The following TTC7B variants were observed in gnomAD, a reference collection of about 807,000 sequenced individuals.
The protein encoded by TTC7B is tetratricopeptide repeat domain 7B.
Under a neutral mutation model 106.8 loss-of-function variants are expected in TTC7B, and 28 were observed. The ratio of observed to expected loss-of-function variants is 0.26; its 90% CI spans 0.19 to 0.36. The LOEUF is 0.36. TTC7B is among the 10% of genes least tolerant of loss of function. The pLI, the probability that TTC7B is intolerant of heterozygous loss-of-function variation, is 1.00. For missense variants in TTC7B, 862 were observed against 1,076.4 expected (o/e 0.80, Z 2.79); for synonymous variants, 405 against 430.6 (o/e 0.94, Z 0.74).
At chr14:90,781,593 C>T (rs963010500) in intron 2 of TTC7B, among the ~76,000 whole-genome samples, 13 of 152,176 alleles carry the variant, frequency 8.5e-5, no homozygotes, top group African/African-American at 2.7e-4. Context: ...GAAAAGGAAG[C>T]GGCCAGACAT....
intron 5 of TTC7B, among the ~76,000 whole-genome samples, chr14:90,715,242 T>TA (rs763753113): frequency 6.6e-6 from 1 of 152,224 alleles, no homozygotes; most frequent in Non-Finnish European, 1.5e-5. Flanking sequence ...CATCAGCTGG[T>TA]ATGTTGGGGC....
At position 90,680,534 on chromosome 14, in the gene TTC7B, T is replaced by C. The variant is rs771793683; in HGVS notation, c.952A>G (p.Ile318Val). 21 of 1,613,406 alleles carry C rather than the reference T, an allele frequency of 1.3e-5. No homozygotes were observed. The highest frequency in any genetic ancestry group is 1.6e-4 in the Middle Eastern group (1 of 6,080). Residue 318 changes from isoleucine to valine, a missense_variant and splice_region_variant, in exon 8 of 20, where the codon ATT becomes GTT. By Grantham distance (29) the Ile-to-Val change is conservative. Transcript: ENST00000328459. The stretch of plus-strand genomic sequence containing the variant: ...TCCGTATTTTCTTGAGGACAAAAAA[T>C]GCTGCAGTTGAAAGAAAACTGACTT... ...RRARVYSGEN[I>V]FCPQENTEEA...
intron 5 of TTC7B, among the ~76,000 whole-genome samples, chr14:90,700,988 C>T (rs2139954295): frequency 6.6e-6 from 1 of 152,064 alleles, no homozygotes; most frequent in East Asian, 2.0e-4. Flanking sequence ...CAGCTTCCCC[C>T]TCTGTACATA....
rs1473857634 is a variant in TTC7B at position 90,570,674 on chromosome 14, G to A, written c.2310+7432C>T. Among the ~76,000 whole-genome samples the A allele has an allele frequency of 2.0e-5, 3 of 152,108 alleles. No individual in the cohort carries two copies. The highest frequency in any genetic ancestry group is 4.4e-5 in the Non-Finnish European group (3 of 68,012). On this transcript the variant is annotated intron_variant, in intron 19 of 19. Coordinates refer to ENST00000328459, the MANE Select transcript of TTC7B (RefSeq NM_001010854.2). The surrounding 1 kb of genome is among the most constrained non-coding windows in gnomAD (Gnocchi z 4.0). ...AGAAAGGGAAGCTCCATGGGGCCAGGAGATGACTCACTCACTGTCAAACAG... is the reference window on the plus strand; with the variant it reads ...AGAAAGGGAAGCTCCATGGGGCCAGAAGATGACTCACTCACTGTCAAACAG...
In TTC7B at chr14:90,533,518, G is replaced by A. The variant is rs1889336518; in HGVS notation, c.*7850C>T. On this transcript the variant is annotated 3_prime_UTR_variant, in exon 20 of 20. Coordinates refer to ENST00000328459, the MANE Select transcript of TTC7B (RefSeq NM_001010854.2). ...AAAGACTTTATGGTGCACCCCGGGG[G>A]CCCCATGCCCTGTCCAGGTTGACCT... 3 of 152,346 alleles carry A rather than the reference G, an allele frequency of 2.0e-5. No homozygotes were observed. In the South Asian group the frequency reaches 6.2e-4, roughly 32 times the overall value. The allele number at this position is 152,346 out of a possible 1,614,324, so 9.4% of individuals were successfully genotyped here.
At chr14:90,668,118 C>CAA (rs3061073) in intron 9 of TTC7B, among the ~76,000 whole-genome samples, 3 of 142,814 alleles carry the variant, frequency 2.1e-5, no homozygotes, top group Non-Finnish European at 3.1e-5. Flanking sequence ...TAAGACCAAC[C>CAA]AAAAAAAAAA....
intron 3 of TTC7B, among the ~76,000 whole-genome samples, chr14:90,751,518 C>A (rs955760671): frequency 6.6e-6 from 1 of 152,212 alleles, no homozygotes; most frequent in African/African-American, 2.4e-5. Flanking sequence ...GCCTCAGCCT[C>A]CTGAGTAGCT....
chr14:90,636,590 C>A (rs1049275745), intron 15 of TTC7B, among the ~76,000 whole-genome samples: 5 of 152,018 alleles, frequency 3.3e-5, no homozygotes, highest in African/African-American at 1.2e-4. Flanking sequence ...ATTTCCTCAA[C>A]AAATGCAGAA....
chr14:90,530,860 G>T lies in TTC7B; in HGVS notation c.*10508C>A, dbSNP rs78514297. 0.039 allele frequency: 6,002 copies of T among 152,268 alleles called. 382 individuals are homozygous for T. Among genetic ancestry groups the T allele is most frequent in the African/African-American group, 0.14 (5,728 of 41,512 alleles). The allele number at this position is 152,268 out of a possible 1,614,324, so 9.4% of individuals were successfully genotyped here. A position where few individuals can be genotyped will look rare whatever the true frequency, so the allele number is the denominator to read the frequency against. On this transcript the variant is annotated 3_prime_UTR_variant, in exon 20 of 20. Transcript: ENST00000328459. ...AATGTGCGTTGTTTTATTGGGTGCA[G>T]TGTATACTGCTCGGGTGATGGGTGC...
Position 90,581,048 on chromosome 14 carries a change from C to T in TTC7B, c.2108-2740G>A, listed in dbSNP as rs78093697. On this transcript the variant is annotated intron_variant, in intron 18 of 19. Transcript: ENST00000328459. ...CGACTGACTCCCCAGGCCTTCTCTC[C>T]CCAAGAGAAGGCCCTGGAAGAAGCG... Among the ~76,000 whole-genome samples the T allele has an allele frequency of 7.8e-3, 1,181 of 152,298 alleles. 42 individuals are homozygous for T. Among genetic ancestry groups the T allele is most frequent in the Admixed American group, 0.058 (881 of 15,290 alleles).
At chr14:90,755,742 C>A (rs1162580886) in intron 3 of TTC7B, among the ~76,000 whole-genome samples, 1 of 152,216 alleles carries the variant, frequency 6.6e-6, no homozygotes, top group African/African-American at 2.4e-5. Flanking sequence ...CAAACCCTTG[C>A]TTCTCCATTT....
Position 90,780,911 on chromosome 14 carries a change from A to C in TTC7B, c.277-5T>G, listed in dbSNP as rs1468889952. 1 of 1,613,798 alleles carries C rather than the reference A, an allele frequency of 6.2e-7. No homozygotes were observed. The highest frequency in any genetic ancestry group is 2.2e-5 in the East Asian group (1 of 44,894). ...GGATTCTTGTAGGAATTCTGACTAGAAGCAAAAGGAGAGAAAGAAAAGCAT... is the reference window on the plus strand; with the variant it reads ...GGATTCTTGTAGGAATTCTGACTAGCAGCAAAAGGAGAGAAAGAAAAGCAT... On this transcript the variant is annotated splice_polypyrimidine_tract_variant and splice_region_variant and intron_variant, in intron 2 of 19. Transcript: ENST00000328459.
chr14:90,671,256 G>C (rs756070249), intron 9 of TTC7B, among the ~76,000 whole-genome samples: 11 of 152,198 alleles, frequency 7.2e-5, no homozygotes, highest in Non-Finnish European at 1.5e-4. Flanking sequence ...AGGTTAGGGA[G>C]GTGTAAATGT....
intron 8 of TTC7B, chr14:90,677,768 T>G: frequency 2.2e-6 from 1 of 449,348 alleles, no homozygotes; most frequent in Non-Finnish European, 4.4e-6. Context: ...AAATGCATTT[T>G]CTTTGTGTGT....
chr14:90,740,759 C>T (rs1889730787), intron 4 of TTC7B, among the ~76,000 whole-genome samples: 1 of 152,128 alleles, frequency 6.6e-6, no homozygotes, highest in Admixed American at 6.5e-5. Context: ...ACCTCATCCT[C>T]CCAAAATGCT....
chr14:90,786,045 G>A (rs1162260276), intron 2 of TTC7B, 129 bp downstream of exon 2: 13 of 1,123,026 alleles, frequency 1.2e-5, no homozygotes, highest in African/African-American at 1.6e-5. Context: ...GAGCTGGCCC[G>A]CTTCTAAGAA....
chr14:90,758,401 GCGGGGCGGGGT>G (rs1429077594), intron 3 of TTC7B, among the ~76,000 whole-genome samples: 337 of 133,926 alleles, frequency 2.5e-3, no homozygotes, highest in Non-Finnish European at 4.5e-3. Flanking sequence ...AGAGAGTGGG[GCGGGGCGGGGT>G]CGGGGACAGC....
chr14:90,737,659 T>A (rs762903859), intron 4 of TTC7B, among the ~76,000 whole-genome samples: 5 of 151,338 alleles, frequency 3.3e-5, no homozygotes, highest in Non-Finnish European at 7.4e-5. Flanking sequence ...TTCAAGCAAT[T>A]TTCCTGCCTC....
chr14:90,704,781 A>G (rs1395217518), intron 5 of TTC7B, among the ~76,000 whole-genome samples: 1 of 152,242 alleles, frequency 6.6e-6, no homozygotes, highest in Non-Finnish European at 1.5e-5. Flanking sequence ...ACTAACATTG[A>G]TAAGATGGCG....
Sources: gnomAD v4.1 joint callset for allele counts (sites outside exome capture counted in the v4.1 genomes callset) on GRCh38, gnomAD v4.1.1 for gene constraint, Gnocchi (gnomAD v3.1) non-coding constraint, MANE v1.5 for transcripts, NCBI Gene and HGNC (gene_info 2026-07-23, HGNC 2026-07-21) for gene names.